The following PLPP4 variants were observed in gnomAD, a reference collection of about 807,000 sequenced individuals.
PLPP4 encodes diacylglycerol pyrophosphate like 2.
In PLPP4, 20 loss-of-function variants were observed where a neutral mutation model predicts 32.2. The observed-to-expected ratio is 0.62, with a 90% CI of 0.44 to 0.90. PLPP4 has a LOEUF of 0.90. PLPP4 is among the 40% of genes least tolerant of loss of function. PLPP4 has a pLI of 0.00. For missense variants in PLPP4, 257 were observed against 353.1 expected (o/e 0.73, Z 2.18); for synonymous variants, 127 against 133.0 (o/e 0.95, Z 0.31).
At chr10:120,506,243 G>A (rs759856526) in intron 2 of PLPP4, among the ~76,000 whole-genome samples, 1 of 152,082 alleles carries the variant, frequency 6.6e-6, no homozygotes, top group Non-Finnish European at 1.5e-5. Flanking sequence ...CATTCATTTG[G>A]TCACACGATT....
In PLPP4 at chr10:120,575,168, G is replaced by A; in HGVS notation, c.483G>A (p.Leu161=). The change falls in exon 6 of 7, where the codon TTG becomes TTA. Residue 161 remains leucine, a synonymous_variant. Transcript: ENST00000398250. ...FSGLGFTTFY[L]AGKLHCFTES... ...GCCTTGGCTTCACGACGTTCTACTT[G>A]GCGGGCAAGCTGCACTGCTTCACCG... 1 of 1,613,896 alleles carries A rather than the reference G, an allele frequency of 6.2e-7. No individual in the cohort carries two copies. Among genetic ancestry groups the A allele is most frequent in the Non-Finnish European group, 8.5e-7 (1 of 1,179,964 alleles).
intron 5 of PLPP4, among the ~76,000 whole-genome samples, chr10:120,572,121 G>A (rs1848970233): frequency 6.6e-6 from 1 of 152,176 alleles, no homozygotes; most frequent in Non-Finnish European, 1.5e-5. Flanking sequence ...TTTCAAAGAG[G>A]CAGAGGCTTC....
chr10:120,552,189 T>A (rs1847937611), intron 5 of PLPP4, among the ~76,000 whole-genome samples: 1 of 149,836 alleles, frequency 6.7e-6, no homozygotes, highest in South Asian at 2.1e-4. Flanking sequence ...TGTGTGTGTG[T>A]GTGTGTGTGT....
intron 5 of PLPP4, among the ~76,000 whole-genome samples, chr10:120,549,735 T>C (rs955089443): frequency 6.7e-6 from 1 of 149,526 alleles, no homozygotes; most frequent in Non-Finnish European, 1.5e-5. Flanking sequence ...ATTAACAAAA[T>C]AAAGAAGAAA....
At chr10:120,524,241 A>G (rs1326650) in intron 5 of PLPP4, among the ~76,000 whole-genome samples, 1 of 152,034 alleles carries the variant, frequency 6.6e-6, no homozygotes, top group Admixed American at 6.5e-5. Context: ...CTTAGAAAAA[A>G]CACCGATGCT....
intron 2 of PLPP4, among the ~76,000 whole-genome samples, chr10:120,509,150 T>G (rs540235895): frequency 1.3e-5 from 2 of 152,368 alleles, no homozygotes; most frequent in South Asian, 4.1e-4. Context: ...TGACAGACCT[T>G]TGGCACTTCA....
At chr10:120,497,404 A>G (rs1845019720) in intron 1 of PLPP4, among the ~76,000 whole-genome samples, 1 of 151,866 alleles carries the variant, frequency 6.6e-6, no homozygotes, top group Non-Finnish European at 1.5e-5. Context: ...CCACTCACTT[A>G]ATTTCAGGCA....
At chr10:120,546,063 C>G (rs562403908) in intron 5 of PLPP4, among the ~76,000 whole-genome samples, 4 of 152,304 alleles carry the variant, frequency 2.6e-5, no homozygotes, top group African/African-American at 9.6e-5. Flanking sequence ...GCCAGGGGCT[C>G]TCGGGCCTAC....
chr10:120,503,925 T>C lies in PLPP4; in HGVS notation c.164T>C (p.Phe55Ser). Reference sequence around the variant, plus strand: ...GATAACATACCTACCCGCCTCATGTTTGTAAGTACCATGATTTCATTCCTT... The same window carrying C: ...GATAACATACCTACCCGCCTCATGTCTGTAAGTACCATGATTTCATTCCTT... ...QSDNIPTRLM[F>S]AISFLTPLAV... The change falls in exon 2 of 7, where the codon TTT (phenylalanine) becomes TCT (serine). Residue 55 changes from phenylalanine (F) to serine (S), a missense_variant and splice_region_variant. Physicochemically the swap from Phe to Ser is radical, Grantham distance 155. Coordinates refer to ENST00000398250, the MANE Select transcript of PLPP4 (RefSeq NM_001030059.3). The C allele has an allele frequency of 6.4e-7, 1 of 1,573,964 alleles. No homozygotes were observed. Among genetic ancestry groups the C allele is most frequent in the Non-Finnish European group, 8.7e-7 (1 of 1,143,808 alleles).
intron 5 of PLPP4, among the ~76,000 whole-genome samples, chr10:120,565,430 C>G (rs950609596): frequency 1.3e-5 from 2 of 151,148 alleles, no homozygotes; most frequent in African/African-American, 2.4e-5. Flanking sequence ...TGGCCTTATT[C>G]AATATGGAAT....
chr10:120,533,187 A>G (rs1372437844), intron 5 of PLPP4, among the ~76,000 whole-genome samples: 1 of 152,138 alleles, frequency 6.6e-6, no homozygotes, highest in East Asian at 1.9e-4. Flanking sequence ...GTTATATTCC[A>G]TCTTTTTTAT....
intron 1 of PLPP4, among the ~76,000 whole-genome samples, chr10:120,483,240 T>C (rs1376189014): frequency 6.6e-6 from 1 of 152,132 alleles, no homozygotes; most frequent in East Asian, 1.9e-4. Context: ...TTCCTTACTT[T>C]TGAGGTTTTG....
chr10:120,573,396 G>A (rs1564849299), intron 5 of PLPP4, among the ~76,000 whole-genome samples: 1 of 152,098 alleles, frequency 6.6e-6, no homozygotes, highest in South Asian at 2.1e-4. Flanking sequence ...TTTTAAGAAG[G>A]CACATTCTTA....
intron 1 of PLPP4, among the ~76,000 whole-genome samples, chr10:120,485,239 C>T (rs777272021): frequency 6.6e-6 from 1 of 152,248 alleles, no homozygotes; most frequent in East Asian, 1.9e-4. Context: ...GTGCCTTCCC[C>T]CTAGAGCTCC....
At chr10:120,475,305 G>A (rs1372465399) in intron 1 of PLPP4, among the ~76,000 whole-genome samples, 1 of 150,044 alleles carries the variant, frequency 6.7e-6, no homozygotes, top group African/African-American at 2.5e-5. Flanking sequence ...CCTCCTTGTT[G>A]CTCAGTGGCA....
chr10:120,508,065 A>G (rs1173212402), intron 2 of PLPP4, among the ~76,000 whole-genome samples: 10 of 152,210 alleles, frequency 6.6e-5, no homozygotes, highest in Non-Finnish European at 1.5e-4. Flanking sequence ...CGACCGTGAT[A>G]TGTCCAGAAG....
At chr10:120,500,681 T>TGG (rs140504817) in intron 1 of PLPP4, among the ~76,000 whole-genome samples, 27 of 18,606 alleles carry the variant, frequency 1.5e-3, no homozygotes, top group East Asian at 0.013. Flanking sequence ...TTTCTGGGGG[T>TGG]GGGGGGGTGG....
intron 5 of PLPP4, among the ~76,000 whole-genome samples, chr10:120,538,036 CTCTCTCTCTCTCTCTCTG>C (rs1847130400): frequency 5.4e-5 from 3 of 55,928 alleles, no homozygotes; most frequent in African/African-American, 1.2e-4. Flanking sequence ...CTCTCTCTCT[CTCTCTCTCTCTCTCTCTG>C]TGTGTGTGTG....
chr10:120,539,670 A>G (rs1847243442), intron 5 of PLPP4, among the ~76,000 whole-genome samples: 1 of 152,028 alleles, frequency 6.6e-6, no homozygotes, highest in African/African-American at 2.4e-5. Flanking sequence ...ACATTTTCAG[A>G]AGGTAAAAGT....
Sources: allele counts gnomAD v4.1 joint callset (sites outside exome capture counted in the v4.1 genomes callset), GRCh38; gene constraint gnomAD v4.1.1; transcripts MANE v1.5; gene names NCBI Gene and HGNC (gene_info 2026-07-23, HGNC 2026-07-21).